The following CCDC7 variants were observed in gnomAD, a reference collection of about 807,000 sequenced individuals.
The protein encoded by CCDC7 is coiled-coil domain containing 7.
Under a neutral mutation model 196.9 loss-of-function variants are expected in CCDC7, and 183 were observed. That is an observed-to-expected ratio of 0.93 (90% CI 0.82 to 1.05). The LOEUF (loss-of-function observed/expected upper bound fraction) is 1.05. Among genes scored for constraint, CCDC7 ranks in the 50% least tolerant of loss-of-function variants. CCDC7 has a pLI of 0.00. For synonymous variants in CCDC7, 525 were observed against 484.6 expected, an observed-to-expected ratio of 1.08 and a Z score of -1.10; for missense variants, 1,540 against 1,482.2, an observed-to-expected ratio of 1.04 and a Z score of -0.64.
downstream of CCDC7, among the ~76,000 whole-genome samples, chr10:32,878,662 A>G (rs1435749270): frequency 6.6e-6 from 1 of 152,134 alleles, no homozygotes; most frequent in Non-Finnish European, 1.5e-5. Context: ...AGATCTAAGA[A>G]TGAATACTCA....
chr10:32,818,964 A>T (rs925878038), intron 31 of CCDC7, among the ~76,000 whole-genome samples: 1 of 152,238 alleles, frequency 6.6e-6, no homozygotes, highest in African/African-American at 2.4e-5. Flanking sequence ...AACTAAGATC[A>T]GAGCAGAACT....
chr10:32,696,481 GT>G (rs111280727), intron 24 of CCDC7, among the ~76,000 whole-genome samples: 21,919 of 145,636 alleles, frequency 0.15, 1,942 homozygotes, highest in African/African-American at 0.26. Flanking sequence ...CTTGTTTTCT[GT>G]TTTTTTTTTT....
intron 41 of CCDC7, among the ~76,000 whole-genome samples, chr10:32,858,959 A>G (rs1321540507): frequency 3.3e-5 from 5 of 152,190 alleles, no homozygotes; most frequent in African/African-American, 1.2e-4. Flanking sequence ...ACTCCCACAC[A>G]ATAATAGTGG....
chr10:32,510,202 C>T lies in CCDC7; in HGVS notation c.873-7743C>T, dbSNP rs183976585. Among the ~76,000 whole-genome samples, 34 of 152,250 alleles carry T rather than the reference C, an allele frequency of 2.2e-4. No individual in the cohort carries two copies. In the East Asian group the frequency reaches 6.6e-3, roughly 29 times the overall value. Reference sequence around the variant, plus strand: ...TTCACCCTTAAGAAATTAGAAAATCCTTCCATTTGTGACAACATGGATGGA... The same window carrying T: ...TTCACCCTTAAGAAATTAGAAAATCTTTCCATTTGTGACAACATGGATGGA... On this transcript the variant is annotated intron_variant, in intron 9 of 41. Transcript: ENST00000639629.
intron 1 of CCDC7, among the ~76,000 whole-genome samples, chr10:32,453,031 T>C (rs1336986006): frequency 1.3e-5 from 2 of 152,294 alleles, no homozygotes; most frequent in East Asian, 3.9e-4. Context: ...AGGCAGACTT[T>C]GAGGAAAACT....
chr10:32,701,261 A>G (rs963576709), intron 24 of CCDC7, among the ~76,000 whole-genome samples: 113 of 152,340 alleles, frequency 7.4e-4, no homozygotes, highest in African/African-American at 2.6e-3. Context: ...AGTTTTTAGC[A>G]GGAAGGGCTG....
At chr10:32,481,435 CT>C (rs2039946467) in intron 8 of CCDC7, among the ~76,000 whole-genome samples, 1 of 152,092 alleles carries the variant, frequency 6.6e-6, no homozygotes. Flanking sequence ...TTTTACTCCC[CT>C]CTAAGCATTT....
chr10:32,576,990 A>G lies in CCDC7; in HGVS notation c.1454+5097A>G, dbSNP rs150129969. 1.6e-3 allele frequency among the ~76,000 whole-genome samples: 243 copies of G among 152,248 alleles called. 1 individual carries two copies. Among genetic ancestry groups the G allele is most frequent in the Non-Finnish European group, 2.7e-3 (184 of 68,024 alleles). ...TTCTTTCTCATGGACATATAAACATAGAATATAAGAATTGAGCTTGTGACT... is the reference window on the plus strand; with the variant it reads ...TTCTTTCTCATGGACATATAAACATGGAATATAAGAATTGAGCTTGTGACT... On this transcript the variant is annotated intron_variant, in intron 16 of 41. Coordinates refer to ENST00000639629, the Ensembl canonical transcript of CCDC7.
intron 41 of CCDC7, among the ~76,000 whole-genome samples, chr10:32,857,496 T>C (rs1052900714): frequency 7.9e-5 from 12 of 152,084 alleles, no homozygotes; most frequent in African/African-American, 1.7e-4. Flanking sequence ...TGTACAAATA[T>C]GTAGAAGTTT....
At chr10:32,656,037 T>A (rs577460632) in intron 20 of CCDC7, among the ~76,000 whole-genome samples, 1 of 151,072 alleles carries the variant, frequency 6.6e-6, no homozygotes, top group African/African-American at 2.4e-5. Flanking sequence ...TTGTTTTCTG[T>A]GCAGGAACTG....
At chr10:32,689,530 C>G (rs2076835560) in intron 23 of CCDC7, among the ~76,000 whole-genome samples, 1 of 152,134 alleles carries the variant, frequency 6.6e-6, no homozygotes, top group Non-Finnish European at 1.5e-5. Flanking sequence ...AGATCTGCAA[C>G]TCAAAACAGC....
At chr10:32,806,568 A>T (rs2085908012) in intron 30 of CCDC7, among the ~76,000 whole-genome samples, 1 of 152,196 alleles carries the variant, frequency 6.6e-6, no homozygotes. Flanking sequence ...AAAGGGCCAC[A>T]TGGAAATTAC....
intron 24 of CCDC7, among the ~76,000 whole-genome samples, chr10:32,695,877 G>A (rs958573165): frequency 2.6e-5 from 4 of 152,160 alleles, no homozygotes; most frequent in African/African-American, 9.7e-5. Flanking sequence ...GGTAACAGCA[G>A]TGCCAAAGAC....
At chr10:32,744,662 G>C (rs747500440) in intron 28 of CCDC7, among the ~76,000 whole-genome samples, 23 of 152,252 alleles carry the variant, frequency 1.5e-4, no homozygotes, top group South Asian at 4.1e-4. Flanking sequence ...TCTTTCAAAT[G>C]GGATGTTTGT....
chr10:32,492,067 T>G (rs2042237404), intron 9 of CCDC7, 70 bp downstream of exon 10: 1 of 1,434,512 alleles, frequency 7.0e-7, no homozygotes, highest in South Asian at 1.6e-5. Flanking sequence ...ATTGTATTTT[T>G]CCATATGTAA....
intron 28 of CCDC7, among the ~76,000 whole-genome samples, chr10:32,764,617 T>C (rs752905622): frequency 5.1e-4 from 77 of 151,868 alleles, no homozygotes; most frequent in Non-Finnish European, 1.0e-4. Context: ...TTCGAAGGCC[T>C]AGGAAAATTG....
At chr10:32,875,437 T>G (rs1201449006) in intron 41 of CCDC7, among the ~76,000 whole-genome samples, 1 of 152,090 alleles carries the variant, frequency 6.6e-6, no homozygotes, top group African/African-American at 2.4e-5. Flanking sequence ...AAAGATCAGA[T>G]GGTTGTAGAT....
intron 8 of CCDC7, among the ~76,000 whole-genome samples, chr10:32,489,648 C>T (rs1320653310): frequency 2.0e-5 from 3 of 152,150 alleles, no homozygotes; most frequent in East Asian, 1.9e-4. Context: ...GCTTAGCTCA[C>T]TGTGGCAGTG....
intron 8 of CCDC7, among the ~76,000 whole-genome samples, chr10:32,487,758 C>T (rs2041418360): frequency 6.6e-6 from 1 of 152,152 alleles, no homozygotes. Flanking sequence ...CACTCCAGAC[C>T]CTGTTTGCCT....
Sources: gnomAD v4.1 joint callset for allele counts (sites outside exome capture counted in the v4.1 genomes callset) on GRCh38, gnomAD v4.1.1 for gene constraint, MANE v1.5 for transcripts, NCBI Gene and HGNC (gene_info 2026-07-23, HGNC 2026-07-21) for gene names.